BST1: variants seen among roughly 807,000 people sequenced by gnomAD.
The protein encoded by BST1 is bone marrow stromal cell antigen 1.
In BST1, 49 loss-of-function variants were observed where a neutral mutation model predicts 40.6. The observed-to-expected ratio is 1.21, with a 90% CI of 0.96 to 1.53. BST1 has a LOEUF of 1.53. Among genes scored for constraint, BST1 ranks in the 40% most tolerant of loss-of-function variants. BST1 has a pLI of 0.00. For synonymous variants in BST1, 157 were observed against 159.3 expected, an observed-to-expected ratio of 0.99 and a Z score of 0.11; for missense variants, 423 against 395.9, an observed-to-expected ratio of 1.07 and a Z score of -0.58.
chr4:15,716,348 T>TA (rs1011763317), intron 6 of BST1, among the ~76,000 whole-genome samples: 1 of 152,174 alleles, frequency 6.6e-6, no homozygotes, highest in African/African-American at 2.4e-5. Flanking sequence ...AAACTCAAGA[T>TA]AAAAAAGTTA....
the BST1 span, among the ~76,000 whole-genome samples, chr4:15,758,059 G>A: frequency 1.3e-5 from 2 of 152,096 alleles, no homozygotes; most frequent in East Asian, 1.9e-4. Flanking sequence ...TGGATACAAC[G>A]TGATGTTATA....
intron 6 of BST1, among the ~76,000 whole-genome samples, chr4:15,717,562 G>A (rs1720582492): frequency 6.6e-6 from 1 of 152,160 alleles, no homozygotes; most frequent in Admixed American, 6.6e-5. Context: ...GTGTAATTTG[G>A]CTGTTCCTAT....
chr4:15,715,150 T>C, intron 4 of BST1, 135 bp from the exon 5 acceptor site: 1 of 773,126 alleles, frequency 1.3e-6, no homozygotes, highest in Non-Finnish European at 2.1e-6. Flanking sequence ...TTTGCATTTC[T>C]ACTAAGCCAT....
At chr4:15,736,195 C>G (rs1721556910), downstream of BST1, 2 of 1,178,566 alleles carry the variant, frequency 1.7e-6, no homozygotes, top group African/African-American at 1.6e-5. Context: ...TGCTTGGTTT[C>G]TCCTTCAGCC....
chr4:15,742,307 GTGAGTTCTCACTGTC>G (rs758230435), downstream of BST1, among the ~76,000 whole-genome samples: 16 of 152,166 alleles, frequency 1.1e-4, no homozygotes, highest in Non-Finnish European at 1.5e-4. Flanking sequence ...GGATGGGTGT[GTGAGTTCTCACTGTC>G]TTAGTTCCCT....
the BST1 span, among the ~76,000 whole-genome samples, chr4:15,748,602 C>G: frequency 6.6e-6 from 1 of 152,202 alleles, no homozygotes; most frequent in Non-Finnish European, 1.5e-5. Flanking sequence ...CTTGATTATT[C>G]TGCTGTGATC....
At chr4:15,759,402 G>C in the BST1 span, among the ~76,000 whole-genome samples, 1 of 151,970 alleles carries the variant, frequency 6.6e-6, no homozygotes, top group Non-Finnish European at 1.5e-5. Flanking sequence ...GGGTTATTAT[G>C]CAGATTTGAT....
At chr4:15,757,205 T>C in the BST1 span, among the ~76,000 whole-genome samples, 7 of 152,308 alleles carry the variant, frequency 4.6e-5, no homozygotes, top group African/African-American at 1.7e-4. Context: ...CAGGCTGCTA[T>C]ATAAGCTTCA....
intron 5 of BST1, 26 bp downstream of exon 5, chr4:15,715,387 C>G (rs750545445): frequency 1.9e-6 from 3 of 1,605,306 alleles, no homozygotes; most frequent in Non-Finnish European, 2.6e-6. Flanking sequence ...CATTCAAACA[C>G]AAGAGAGAAT....
chr4:15,704,705 C>T (rs1007709133), intron 1 of BST1, among the ~76,000 whole-genome samples: 1 of 152,090 alleles, frequency 6.6e-6, no homozygotes, highest in Non-Finnish European at 1.5e-5. Context: ...TCTGAATACT[C>T]AGAACCCAGA....
chr4:15,746,829 G>C, the BST1 span, among the ~76,000 whole-genome samples: 1 of 152,154 alleles, frequency 6.6e-6, no homozygotes, highest in South Asian at 2.1e-4. Flanking sequence ...ATCACAGCAT[G>C]GGTGCTGATA....
At chr4:15,741,485 A>G (rs755907521), downstream of BST1, among the ~76,000 whole-genome samples, 1 of 152,156 alleles carries the variant, frequency 6.6e-6, no homozygotes. Context: ...TAGATGCTGG[A>G]ATCTCCAAAC....
intron 8 of BST1, among the ~76,000 whole-genome samples, chr4:15,725,026 C>T (rs1301412912): frequency 1.3e-5 from 2 of 152,176 alleles, no homozygotes; most frequent in African/African-American, 2.4e-5. Flanking sequence ...AGCCGGGTGC[C>T]TCTGTACCAT....
the BST1 span, among the ~76,000 whole-genome samples, chr4:15,758,196 G>A: frequency 6.6e-6 from 1 of 151,938 alleles, no homozygotes; most frequent in African/African-American, 2.4e-5. Flanking sequence ...TGTTACACAG[G>A]CAAATTGTGT....
chr4:15,725,671 C>T (rs1721056026), intron 8 of BST1, among the ~76,000 whole-genome samples: 1 of 152,190 alleles, frequency 6.6e-6, no homozygotes, highest in Non-Finnish European at 1.5e-5. Flanking sequence ...TGATCCACTT[C>T]CCATAAGATA....
downstream of BST1, among the ~76,000 whole-genome samples, chr4:15,740,979 G>A (rs117990951): frequency 6.1e-3 from 925 of 151,990 alleles, 22 homozygotes; most frequent in East Asian, 0.042. Context: ...GTCATGAACC[G>A]CAGAGTTGAG....
At chr4:15,749,994 C>T in the BST1 span, among the ~76,000 whole-genome samples, 1 of 150,194 alleles carries the variant, frequency 6.7e-6, no homozygotes, top group African/African-American at 2.5e-5. Flanking sequence ...CCCCTCACTA[C>T]CCTTCCCAGC....
At chr4:15,759,797 T>TC in the BST1 span, among the ~76,000 whole-genome samples, 2 of 151,686 alleles carry the variant, frequency 1.3e-5, no homozygotes, top group African/African-American at 4.9e-5. Context: ...CTCCTTTACT[T>TC]CCCCCCTCCA....
At chr4:15,704,021 T>G (rs1312861201) in intron 1 of BST1, among the ~76,000 whole-genome samples, 1 of 127,600 alleles carries the variant, frequency 7.8e-6, no homozygotes, top group East Asian at 2.3e-4. Flanking sequence ...AGGTGAGGGG[T>G]GCGTGCATGT....
Sources: gnomAD v4.1 joint callset for allele counts (sites outside exome capture counted in the v4.1 genomes callset) on GRCh38, gnomAD v4.1.1 for gene constraint, MANE v1.5 for transcripts, NCBI Gene and HGNC (gene_info 2026-07-23, HGNC 2026-07-21) for gene names.